Variants in SECISBP2 observed in about 807,000 individuals in gnomAD.
SECISBP2 encodes the protein selenocysteine insertion sequence-binding protein 2.
In SECISBP2, 96 loss-of-function variants were observed where a neutral mutation model predicts 98.2. The ratio of observed to expected loss-of-function variants is 0.98; its 90% CI spans 0.83 to 1.16. The LOEUF (loss-of-function observed/expected upper bound fraction) is 1.16, where lower values mean the gene tolerates loss of function less well. Among genes scored for constraint, SECISBP2 ranks in the 50% most tolerant of loss-of-function variants. The probability of loss-of-function intolerance (pLI) is 0.00; values close to 1 mark genes in which losing one functional copy is unlikely to be tolerated. For synonymous variants in SECISBP2, 407 were observed against 370.2 expected (o/e 1.10, Z -1.14); for missense variants, 1,046 against 1,022.9 (o/e 1.02, Z -0.31).
rs937299871 is a variant in SECISBP2, at chr9:89,346,852, C to A, written c.1436-30C>A. Reference sequence around the variant, plus strand: ...GCTGGGTGGGGCATCTGGGAGGTGACCGTGAGGGCTTTGTCCCACTGCGTT... The same window carrying A: ...GCTGGGTGGGGCATCTGGGAGGTGAACGTGAGGGCTTTGTCCCACTGCGTT... On this transcript the variant is annotated intron_variant, in intron 10 of 16. Coordinates refer to ENST00000375807, the MANE Select transcript of SECISBP2 (RefSeq NM_024077.5). 4.3e-6 allele frequency: 7 copies of A among 1,613,314 alleles called. No homozygotes were observed. The African/African-American group carries it at 8.0e-5, about 19-fold the overall frequency.
At chr9:89,366,948 A>G in the SECISBP2 span, among the ~76,000 whole-genome samples, 1 of 152,290 alleles carries the variant, frequency 6.6e-6, no homozygotes, top group East Asian at 1.9e-4. Context: ...GGATTGGATT[A>G]ATCACCCAAC....
intron 7 of SECISBP2, among the ~76,000 whole-genome samples, chr9:89,336,766 C>CT (rs1167993596): frequency 0.34 from 25,887 of 75,208 alleles, 6,669 homozygotes; most frequent in African/African-American, 0.56. Context: ...CTGTCTAATT[C>CT]TTTTTTTTTT....
rs753759529 is a variant in SECISBP2, at chr9:89,319,755, C to T, written c.140C>T (p.Ala47Val). Reference sequence around the variant, plus strand: ...GAAGCATGTGTCTTCCCCAGCTCTGCAGCCACATACTATCCGTTTGTTCAG... The same window carrying T: ...GAAGCATGTGTCTTCCCCAGCTCTGTAGCCACATACTATCCGTTTGTTCAG... ...SSEACVFPSS[A>V]ATYYPFVQEP... Residue 47 changes from alanine to valine, a missense_variant, in exon 2 of 17, where the codon GCA becomes GTA. Coordinates refer to ENST00000375807, the MANE Select transcript of SECISBP2 (RefSeq NM_024077.5). 6.2e-7 allele frequency: 1 copy of T among 1,614,070 alleles called. No homozygotes were observed. The highest frequency in any genetic ancestry group is 1.3e-5 in the African/African-American group (1 of 74,938).
At chr9:89,326,298 ATTTTTCTC>A (rs2131599257) in intron 4 of SECISBP2, among the ~76,000 whole-genome samples, 1 of 152,284 alleles carries the variant, frequency 6.6e-6, no homozygotes, top group East Asian at 1.9e-4. Context: ...TGGTATATAC[ATTTTTCTC>A]TTTTCATTGA....
chr9:89,333,526 A>G (rs1370693122), intron 6 of SECISBP2, among the ~76,000 whole-genome samples: 1 of 152,176 alleles, frequency 6.6e-6, no homozygotes, highest in African/African-American at 2.4e-5. Flanking sequence ...TAGATCTGCC[A>G]TGGCATTCAC....
chr9:89,327,723 C>A (rs1826996885), intron 4 of SECISBP2, among the ~76,000 whole-genome samples: 1 of 152,148 alleles, frequency 6.6e-6, no homozygotes, highest in Admixed American at 6.5e-5. Flanking sequence ...GCTGTCATCT[C>A]CTGTGATAAC....
chr9:89,335,332 C>T (rs1013224943), intron 7 of SECISBP2, among the ~76,000 whole-genome samples: 9 of 151,918 alleles, frequency 5.9e-5, no homozygotes, highest in Non-Finnish European at 1.3e-4. Context: ...TTTTCTGTGC[C>T]ACTGAATAGT....
At chr9:89,323,316 A>G (rs1826121484) in intron 2 of SECISBP2, 2 of 152,244 alleles carry the variant, frequency 1.3e-5, no homozygotes, top group Admixed American at 1.3e-4. Flanking sequence ...TCAAGTCCTA[A>G]GCAGAAAGAT....
intron 16 of SECISBP2, 42 bp from the exon 17 acceptor site, chr9:89,358,679 T>G (rs1313475932): frequency 7.5e-7 from 1 of 1,334,574 alleles, no homozygotes; most frequent in Non-Finnish European, 1.1e-6. Context: ...TTTTCCTACT[T>G]GTTGATGCCT....
At chr9:89,362,185 A>T, downstream of SECISBP2, 1 of 663,574 alleles carries the variant, frequency 1.5e-6, no homozygotes, top group Non-Finnish European at 2.6e-6. Context: ...CTAATTTTTT[A>T]AGTCTTAGTT....
Position 89,350,718 on chromosome 9 carries a change from A to G in SECISBP2, c.1979A>G (p.Tyr660Cys), listed in dbSNP as rs1311675395. ...CTGGTCCGTTTCCAAGACCGTATGT[A>G]CCAGAAAGATCCAGTCAAGGCCAAG... Reference protein sequence around the residue: ...KELVRFQDRMYQKDPVKAKTK... With the variant: ...KELVRFQDRMCQKDPVKAKTK... The change falls in exon 14 of 17, where the codon TAC (tyrosine) becomes TGC (cysteine). Residue 660 changes from tyrosine to cysteine, a missense_variant. By Grantham distance (194) the Tyr-to-Cys change is radical. Coordinates refer to ENST00000375807, the MANE Select transcript of SECISBP2 (RefSeq NM_024077.5). 6.2e-7 allele frequency: 1 copy of G among 1,614,106 alleles called. No individual in the cohort carries two copies. The highest frequency in any genetic ancestry group is 2.2e-5 in the East Asian group (1 of 44,892).
At chr9:89,359,764 G>A (rs1259652513), downstream of SECISBP2, 1 of 152,240 alleles carries the variant, frequency 6.6e-6, no homozygotes, top group African/African-American at 2.4e-5. Context: ...GGGCCGCGTA[G>A]TGGGGGTTCT....
chr9:89,365,297 G>A, the SECISBP2 span: 1 of 152,374 alleles, frequency 6.6e-6, no homozygotes, highest in African/African-American at 2.4e-5. Context: ...TGGGGCTGGG[G>A]AGGCCGGCCA....
chr9:89,343,353 T>A (rs1467366100), intron 10 of SECISBP2, among the ~76,000 whole-genome samples: 1 of 152,252 alleles, frequency 6.6e-6, no homozygotes, highest in African/African-American at 2.4e-5. Context: ...TTCTTTTTTT[T>A]AAACTTTTAT....
chr9:89,362,184 TAA>T, downstream of SECISBP2: 1 of 663,840 alleles, frequency 1.5e-6, no homozygotes, highest in Non-Finnish European at 2.6e-6. Flanking sequence ...CCTAATTTTT[TAA>T]GTCTTAGTTC....
rs747596372 is a variant in SECISBP2 at position 89,325,504 on chromosome 9, T to C, written c.260T>C (p.Leu87Pro). ...PPQYLSSEIT[L>P]HPYAYSPYTL... ...CAGTATTTATCTTCTGAGATAACTC[T>C]TCATCCATATGCCTATTCTCCTTAT... The change falls in exon 3 of 17, where the codon CTT (leucine) becomes CCT (proline). Residue 87 changes from leucine (L) to proline (P), a missense_variant. Leu to Pro is a moderately conservative substitution (Grantham distance 98, BLOSUM62 -3). Coordinates refer to ENST00000375807, the MANE Select transcript of SECISBP2 (RefSeq NM_024077.5). 1 of 1,613,756 alleles carries C rather than the reference T, an allele frequency of 6.2e-7. No homozygotes were observed. The highest frequency in any genetic ancestry group is 2.2e-5 in the East Asian group (1 of 44,872).
intron 1 of SECISBP2, among the ~76,000 whole-genome samples, chr9:89,319,431 A>G (rs1305640281): frequency 1.3e-5 from 2 of 151,600 alleles, no homozygotes; most frequent in Admixed American, 6.6e-5. Flanking sequence ...ATTCGTTGTC[A>G]TTTTTCACTT....
chr9:89,339,784 T>G lies in SECISBP2; in HGVS notation c.1213-80T>G. On this transcript the variant is annotated intron_variant, in intron 8 of 16. Transcript: ENST00000375807. Reference sequence around the variant, plus strand: ...ACTTTTAAGGGACCTTACTGAAGAATGAAAATATAAGCAAGGAAAAGGTTG... The same window carrying G: ...ACTTTTAAGGGACCTTACTGAAGAAGGAAAATATAAGCAAGGAAAAGGTTG... 3.0e-6 allele frequency: 3 copies of G among 1,014,682 alleles called. No homozygotes were observed. The Admixed American group carries it at 5.1e-5, about 17-fold the overall frequency. The allele number at this position is 1,014,682 out of a possible 1,614,324, so 62.9% of individuals were successfully genotyped here.
chr9:89,348,358 T>C (rs929405848), intron 12 of SECISBP2, 144 bp downstream of exon 12: 17 of 907,766 alleles, frequency 1.9e-5, no homozygotes, highest in Non-Finnish European at 2.7e-5. Flanking sequence ...GCTCCCAGCT[T>C]TACAGGGAAG....
Sources: allele counts gnomAD v4.1 joint callset (sites outside exome capture counted in the v4.1 genomes callset), GRCh38; gene constraint gnomAD v4.1.1; transcripts MANE v1.5; gene names NCBI Gene and HGNC (gene_info 2026-07-23, HGNC 2026-07-21).